The following CEP350 variants were observed in gnomAD, a reference collection of about 807,000 sequenced individuals.
The protein encoded by CEP350 is centrosomal protein 350, also known as centrosome-associated protein 350.
CEP350 carries 126 observed loss-of-function variants against 331.8 expected under a neutral mutation model. That is an observed-to-expected ratio of 0.38 (90% CI 0.33 to 0.44). The LOEUF (loss-of-function observed/expected upper bound fraction) is 0.44. Among genes scored for constraint, CEP350 ranks in the 20% least tolerant of loss-of-function variants. The pLI, the probability that CEP350 is intolerant of heterozygous loss-of-function variation, is 1.00. For missense variants in CEP350, 3,406 were observed against 3,634.6 expected, an observed-to-expected ratio of 0.94 and a Z score of 1.62; for synonymous variants, 1,200 against 1,259.5, an observed-to-expected ratio of 0.95 and a Z score of 1.00.
chr1:180,107,494 C>G (rs898924508), intron 37 of CEP350, among the ~76,000 whole-genome samples: 3 of 152,140 alleles, frequency 2.0e-5, no homozygotes, highest in Non-Finnish European at 4.4e-5. Flanking sequence ...CATGGTGAAA[C>G]CCCATCTCTC....
intron 1 of CEP350, among the ~76,000 whole-genome samples, chr1:179,959,977 C>A (rs1211628917): frequency 2.6e-5 from 4 of 152,184 alleles, no homozygotes; most frequent in African/African-American, 7.2e-5. Context: ...TACTTGGAAA[C>A]TGCAACTTCT....
chr1:180,056,075 T>C (rs983376414), intron 25 of CEP350, among the ~76,000 whole-genome samples: 12 of 152,292 alleles, frequency 7.9e-5, no homozygotes, highest in African/African-American at 2.2e-4. Flanking sequence ...AATTTTTCAT[T>C]TTGATACATC....
At chr1:179,998,308 T>C (rs2477105) in intron 6 of CEP350, among the ~76,000 whole-genome samples, 79,687 of 139,218 alleles carry the variant, frequency 0.57, 23,744 homozygotes, top group East Asian at 0.7. Context: ...ATTTTCTTTT[T>C]TTTTTTTTTT....
chr1:180,036,386 C>T (rs1289394363), intron 16 of CEP350, among the ~76,000 whole-genome samples: 2 of 152,190 alleles, frequency 1.3e-5, no homozygotes, highest in Admixed American at 1.3e-4. Flanking sequence ...TGCTACCAAA[C>T]AGCATTACAT....
At chr1:180,015,758 A>G (rs1028344672) in intron 10 of CEP350, 91 bp from the exon 11 acceptor site, 1 of 1,388,938 alleles carries the variant, frequency 7.2e-7, no homozygotes, top group Middle Eastern at 1.8e-4. Context: ...TGATCTTTGT[A>G]GAGCTGAGGT....
chr1:180,085,879 A>G (rs370878274), intron 31 of CEP350: 2 of 152,366 alleles, frequency 1.3e-5, no homozygotes, highest in East Asian at 3.9e-4. Flanking sequence ...TTTATGTGCC[A>G]GGAGCTCAGC....
rs570601346 is a variant in CEP350 at position 180,044,055 on chromosome 1, A to T, written c.4504A>T (p.Ser1502Cys). ...CAGTTTTTATTTTATTTGTAGGAAA[A>T]GTCCATCTGTTTCACTCTCTCAGAG... is the stretch of plus-strand genomic sequence containing the variant. ...LRTRTETDRKSPSVSLSQSKE... is the reference protein window; with the variant it reads ...LRTRTETDRKCPSVSLSQSKE... Residue 1502 changes from serine (S) to cysteine (C), a missense_variant, in exon 21 of 38, where the codon AGT (serine) becomes TGT (cysteine). Coordinates refer to ENST00000367607, the MANE Select transcript of CEP350 (RefSeq NM_014810.5). 2.0e-6 allele frequency: 3 copies of T among 1,528,856 alleles called. No individual in the cohort carries two copies. In the South Asian group the frequency reaches 3.8e-5, roughly 19 times the overall value. The allele number at this position is 1,528,856 out of a possible 1,614,324, so 94.7% of individuals were successfully genotyped here.
chr1:180,028,197 C>T (rs1655799411), intron 14 of CEP350, among the ~76,000 whole-genome samples: 1 of 152,184 alleles, frequency 6.6e-6, no homozygotes, highest in African/African-American at 2.4e-5. Context: ...GACTCATCAA[C>T]ACTGTAATAT....
Position 180,080,601 on chromosome 1 carries a change from A to G in CEP350, c.6064A>G (p.Ile2022Val), listed in dbSNP as rs2149084223. Residue 2022 changes from isoleucine to valine, a missense_variant, in exon 30 of 38, where the codon ATC (isoleucine) becomes GTC (valine). Physicochemically the swap from Ile to Val is conservative, Grantham distance 29 (BLOSUM62 3). Around this residue, in one of 5 missense-constraint regions of CEP350, gnomAD observed 1,415 missense variants for 1,512.3 expected, o/e 0.94. Transcript: ENST00000367607. ...GACTGGAGGACAATGTCACCTGCCT[A>G]TCAAGTCCCATCAGCACTGTTATAG... is the stretch of plus-strand genomic sequence containing the variant. ...HRTGGQCHLPIKSHQHCYSWS... is the reference protein window; with the variant it reads ...HRTGGQCHLPVKSHQHCYSWS... The G allele has an allele frequency of 6.2e-7, 1 of 1,613,898 alleles. No individual in the cohort carries two copies. The highest frequency in any genetic ancestry group is 1.1e-5 in the South Asian group (1 of 91,080).
At chr1:179,972,651 C>T (rs1291302681) in intron 1 of CEP350, among the ~76,000 whole-genome samples, 3 of 151,706 alleles carry the variant, frequency 2.0e-5, no homozygotes, top group African/African-American at 4.8e-5. Context: ...ATTACAGGCA[C>T]ACGCCACCAC....
At chr1:180,037,209 C>A in intron 17 of CEP350, 120 bp downstream of exon 17, 1 of 780,216 alleles carries the variant, frequency 1.3e-6, no homozygotes, top group South Asian at 3.9e-5. Flanking sequence ...CATATAGCAC[C>A]TATAAATAAA....
chr1:179,970,596 G>A (rs1651369966), intron 1 of CEP350, among the ~76,000 whole-genome samples: 2 of 151,106 alleles, frequency 1.3e-5, no homozygotes, highest in South Asian at 4.2e-4. Flanking sequence ...CTGAAATGTA[G>A]CAAAGGTGTG....
chr1:180,059,805 A>G (rs1031506465), intron 25 of CEP350, among the ~76,000 whole-genome samples: 4 of 152,216 alleles, frequency 2.6e-5, no homozygotes, highest in Admixed American at 1.3e-4. Context: ...GCTTTCACAC[A>G]AAAGTCAGGA....
chr1:179,973,707 T>A (rs1651627849), intron 1 of CEP350, among the ~76,000 whole-genome samples: 1 of 152,186 alleles, frequency 6.6e-6, no homozygotes, highest in Non-Finnish European at 1.5e-5. Flanking sequence ...TATCAGCGGG[T>A]CAAATTTTGT....
chr1:180,050,360 T>C (rs1460377329), intron 22 of CEP350, among the ~76,000 whole-genome samples: 1 of 151,996 alleles, frequency 6.6e-6, no homozygotes, highest in East Asian at 1.9e-4. Flanking sequence ...TATAAAGAAC[T>C]CTTAAAACTC....
chr1:180,023,264 C>G (rs1655449618), intron 13 of CEP350, among the ~76,000 whole-genome samples: 1 of 151,192 alleles, frequency 6.6e-6, no homozygotes, highest in African/African-American at 2.4e-5. Context: ...AAAGCTGACC[C>G]TATCTCAAAA....
chr1:180,038,617 G>A (rs994319957), intron 17 of CEP350, among the ~76,000 whole-genome samples: 6 of 152,142 alleles, frequency 3.9e-5, no homozygotes, highest in South Asian at 2.1e-4. Flanking sequence ...TGTAATTTGC[G>A]TTTCTCTTAT....
chr1:180,089,180 G>A (rs1276125389), intron 32 of CEP350, among the ~76,000 whole-genome samples: 1 of 152,214 alleles, frequency 6.6e-6, no homozygotes, highest in Non-Finnish European at 1.5e-5. Flanking sequence ...AGGAAAGATA[G>A]AAAAGAGTAA....
At chr1:180,024,658 T>C (rs4622030) in intron 14 of CEP350, 76 bp downstream of exon 14, 1,254,075 of 1,446,380 alleles carry the variant, frequency 0.87, 544,807 homozygotes, top group South Asian at 0.94. Context: ...ATGATTTGAT[T>C]GCATAAGAAG....
Sources: allele counts gnomAD v4.1 joint callset (sites outside exome capture counted in the v4.1 genomes callset), GRCh38; gene constraint gnomAD v4.1.1; regional missense constraint gnomAD v4.1.1; transcripts MANE v1.5; gene names NCBI Gene and HGNC (gene_info 2026-07-23, HGNC 2026-07-21).